Variants in KIRREL3 observed in about 807,000 individuals in gnomAD.
The protein encoded by KIRREL3 is kin of IRRE-like protein 3.
In KIRREL3, 36 loss-of-function variants were observed where a neutral mutation model predicts 89.7. That is an observed-to-expected ratio of 0.40 (90% CI 0.31 to 0.53). The LOEUF is 0.53. Among genes scored for constraint, KIRREL3 ranks in the 20% least tolerant of loss-of-function variants. The pLI is 0.49. For missense variants in KIRREL3, 864 were observed against 1,056.6 expected (o/e 0.82, Z 2.53); for synonymous variants, 445 against 441.4 (o/e 1.01, Z -0.10).
chr11:126,557,514 A>T lies in KIRREL3; in HGVS notation c.133+5321T>A, dbSNP rs963144424. On this transcript the variant is annotated intron_variant, in intron 2 of 16. Transcript: ENST00000525144. This position sits in a 1 kb window ranked among gnomAD's most constrained non-coding sequence, Gnocchi z 5.6. ...TTGCACATGAGAAGGTTGAGATCTT[A>T]GTGTCTAGGGACTTGCCCAAGCTCA... Among the ~76,000 whole-genome samples the T allele has an allele frequency of 1.3e-5, 2 of 152,172 alleles. No homozygotes were observed. Among genetic ancestry groups the T allele is most frequent in the African/African-American group, 4.8e-5 (2 of 41,438 alleles).
At chr11:126,848,108 G>A (rs10790846) in intron 1 of KIRREL3, among the ~76,000 whole-genome samples, 129,188 of 152,230 alleles carry the variant, frequency 0.85, 55,023 homozygotes, top group East Asian at 1. Context: ...TAGGAGCCCA[G>A]GTCATCTTGG....
In KIRREL3 at chr11:126,822,281, C is replaced by G. The variant is rs1018352018; in HGVS notation, c.55+178174G>C. 2.0e-5 allele frequency among the ~76,000 whole-genome samples: 3 copies of G among 152,098 alleles called. No individual in the cohort carries two copies. In the East Asian group the frequency reaches 5.8e-4, roughly 29 times the overall value. ...TAACGGTATTACTATTATATAATTA[C>G]TATTATATAAAGCACATAGACTGGC... On this transcript the variant is annotated intron_variant, in intron 1 of 16. Transcript: ENST00000525144.
chr11:126,662,910 T>TTTC (rs1401041514), intron 1 of KIRREL3, among the ~76,000 whole-genome samples: 1 of 145,910 alleles, frequency 6.9e-6, no homozygotes, highest in Non-Finnish European at 1.5e-5. Flanking sequence ...TCCTTTCTTT[T>TTTC]TTTTTTTTTT....
intron 1 of KIRREL3, among the ~76,000 whole-genome samples, chr11:126,730,121 G>T (rs1565684518): frequency 6.6e-6 from 1 of 152,108 alleles, no homozygotes; most frequent in Non-Finnish European, 1.5e-5. Context: ...TTCTCATTCA[G>T]AATTCCCCTC....
chr11:126,534,511 G>A (rs1432740798), intron 2 of KIRREL3, among the ~76,000 whole-genome samples: 6 of 152,152 alleles, frequency 3.9e-5, no homozygotes, highest in Non-Finnish European at 8.8e-5. Context: ...GAGGCTCTGC[G>A]GGGCAGGGTC....
rs1399079897 is a variant in KIRREL3, at chr11:126,607,429, G to T, written c.56-44517C>A. Among the ~76,000 whole-genome samples the T allele has an allele frequency of 6.6e-6, 1 of 152,128 alleles. No individual in the cohort carries two copies. Among genetic ancestry groups the T allele is most frequent in the Non-Finnish European group, 1.5e-5 (1 of 68,030 alleles). On this transcript the variant is annotated intron_variant, in intron 1 of 16. Coordinates refer to ENST00000525144, the MANE Select transcript of KIRREL3 (RefSeq NM_032531.4). The surrounding 1 kb of genome is among the most constrained non-coding windows in gnomAD (Gnocchi z 6.6). ...ATCAGGAAGGAGAGATCCACATCTG[G>T]CTCCGAGCTGACTCTCGGTGACCAT...
At chr11:126,958,471 G>A (rs1316368269) in intron 1 of KIRREL3, among the ~76,000 whole-genome samples, 1 of 152,166 alleles carries the variant, frequency 6.6e-6, no homozygotes, top group African/African-American at 2.4e-5. Context: ...CCTGAGACTG[G>A]CCAGCCTGAC....
At chr11:126,848,272 CT>C (rs1249883853) in intron 1 of KIRREL3, among the ~76,000 whole-genome samples, 3 of 152,162 alleles carry the variant, frequency 2.0e-5, no homozygotes, top group African/African-American at 7.2e-5. Context: ...AATAATTATT[CT>C]TGCTGCACTT....
At chr11:126,593,639 G>T (rs1469736641) in intron 1 of KIRREL3, among the ~76,000 whole-genome samples, 1 of 152,208 alleles carries the variant, frequency 6.6e-6, no homozygotes, top group African/African-American at 2.4e-5. Flanking sequence ...ATCTGGAATG[G>T]GGGTCATCCA....
intron 1 of KIRREL3, among the ~76,000 whole-genome samples, chr11:126,998,433 T>C (rs905492522): frequency 7.9e-5 from 12 of 152,284 alleles, no homozygotes; most frequent in Admixed American, 4.6e-4. Context: ...AGACCTGTTT[T>C]CCAGCCTCTG....
At position 126,872,161 on chromosome 11, in the gene KIRREL3, TG is replaced by T. The variant is rs1945128831; in HGVS notation, c.55+128293del. On this transcript the variant is annotated intron_variant, in intron 1 of 16. Transcript: ENST00000525144. This position sits in a 1 kb window ranked among gnomAD's most constrained non-coding sequence, Gnocchi z 4.2. ...GACAGTGATGAAAGTGACCTCTAGT[TG>T]TCCTTACTGCTCATTAACATAAAAA... Among the ~76,000 whole-genome samples, 2 of 152,216 alleles carry T rather than the reference TG, an allele frequency of 1.3e-5. No individual in the cohort carries two copies. The highest frequency in any genetic ancestry group is 4.2e-4 in the South Asian group (2 of 4,812).
intron 1 of KIRREL3, among the ~76,000 whole-genome samples, chr11:126,998,920 T>TGC (rs1324415988): frequency 1.5e-5 from 1 of 66,034 alleles, no homozygotes; most frequent in East Asian, 2.5e-4. Flanking sequence ...AATGGGAGTG[T>TGC]GTGTGTGTGT....
intron 1 of KIRREL3, among the ~76,000 whole-genome samples, chr11:126,878,997 A>C (rs1049367140): frequency 1.3e-5 from 2 of 152,180 alleles, no homozygotes; most frequent in East Asian, 3.9e-4. Context: ...ATTAAAGACG[A>C]TCTCTCTCCT....
chr11:126,477,852 T>G lies in KIRREL3; in HGVS notation c.434-4386A>C, dbSNP rs762977083. ...GGGTGGGGGACCAGCAGCACCACCC[T>G]CCTGCCCCCATACTGCATGGTGGAG... On this transcript the variant is annotated intron_variant, in intron 4 of 16. Coordinates refer to ENST00000525144, the MANE Select transcript of KIRREL3 (RefSeq NM_032531.4). The surrounding 1 kb of genome is among the most constrained non-coding windows in gnomAD (Gnocchi z 4.8). 2.6e-5 allele frequency among the ~76,000 whole-genome samples: 4 copies of G among 152,164 alleles called. No homozygotes were observed. Among genetic ancestry groups the G allele is most frequent in the Non-Finnish European group, 5.9e-5 (4 of 68,034 alleles).
At chr11:126,435,414 C>T in intron 12 of KIRREL3, 111 bp from the exon 13 acceptor site, 1 of 1,088,728 alleles carries the variant, frequency 9.2e-7, no homozygotes, top group East Asian at 2.4e-5. Flanking sequence ...CTTTCCCAGT[C>T]ATGTCTCTGG....
At chr11:126,947,506 T>C (rs900299426) in intron 1 of KIRREL3, among the ~76,000 whole-genome samples, 1 of 152,226 alleles carries the variant, frequency 6.6e-6, no homozygotes, top group African/African-American at 2.4e-5. Context: ...GGACAGCCCC[T>C]TCCTATCTTG....
At chr11:126,921,580 T>TCTATCTA in intron 1 of KIRREL3, among the ~76,000 whole-genome samples, 1 of 32,518 alleles carries the variant, frequency 3.1e-5, no homozygotes, top group East Asian at 4.2e-4. Flanking sequence ...TATATCTGTC[T>TCTATCTA]TCTATCTATC....
chr11:126,562,613 G>T lies in KIRREL3; in HGVS notation c.133+222C>A, dbSNP rs1183174322. On this transcript the variant is annotated intron_variant, in intron 2 of 16. Transcript: ENST00000525144. This position sits in a 1 kb window ranked among gnomAD's most constrained non-coding sequence, Gnocchi z 4.7. ...AGACACAAAGGGAGAAGGGAAGATT[G>T]CATAAAGAAAATGCCCCTGAATCAG... Among the ~76,000 whole-genome samples, 1 of 152,132 alleles carries T rather than the reference G, an allele frequency of 6.6e-6. No individual in the cohort carries two copies. The highest frequency in any genetic ancestry group is 2.4e-5 in the African/African-American group (1 of 41,420).
Position 126,768,408 on chromosome 11 carries a change from C to A in KIRREL3, c.56-205496G>T, listed in dbSNP as rs374408187. ...ACTGCATGTCCCAGGTCTGGAAATG[C>A]CTATGAATCAGTCAGGCAGGCCAAG... On this transcript the variant is annotated intron_variant, in intron 1 of 16. Transcript: ENST00000525144. The surrounding 1 kb of genome is among the most constrained non-coding windows in gnomAD (Gnocchi z 4.5). Among the ~76,000 whole-genome samples, 1 of 152,340 alleles carries A rather than the reference C, an allele frequency of 6.6e-6. No homozygotes were observed. Among genetic ancestry groups the A allele is most frequent in the East Asian group, 1.9e-4 (1 of 5,188 alleles).
Sources: allele counts gnomAD v4.1 joint callset (sites outside exome capture counted in the v4.1 genomes callset), GRCh38; gene constraint gnomAD v4.1.1; non-coding constraint Gnocchi (gnomAD v3.1); transcripts MANE v1.5; gene names NCBI Gene and HGNC (gene_info 2026-07-23, HGNC 2026-07-21).